Variants in AP2A2 observed in about 807,000 individuals in gnomAD.
AP2A2 encodes the protein AP-2 complex subunit alpha-2.
In AP2A2, 32 loss-of-function variants were observed where a neutral mutation model predicts 104.2. That is an observed-to-expected ratio of 0.31 (90% CI 0.23 to 0.41). The LOEUF is 0.41. Among genes scored for constraint, AP2A2 ranks in the 10% least tolerant of loss-of-function variants. AP2A2 has a pLI of 1.00. For synonymous variants in AP2A2, 539 were observed against 533.3 expected (o/e 1.01, Z -0.15); for missense variants, 912 against 1,261.0 (o/e 0.72, Z 4.19).
chr11:933,028 G>A (rs111672330), intron 1 of AP2A2, among the ~76,000 whole-genome samples: 1 of 152,214 alleles, frequency 6.6e-6, no homozygotes, highest in African/African-American at 2.4e-5. Flanking sequence ...CCAGCACTTC[G>A]GGAGTCCGAG....
intron 20 of AP2A2, 132 bp from the exon 21 acceptor site, chr11:1,009,551 C>A (rs1487517932): frequency 2.4e-6 from 3 of 1,266,726 alleles, no homozygotes; most frequent in Non-Finnish European, 3.2e-6. Flanking sequence ...GACCCAGCGC[C>A]AGGGTCTGGA....
At chr11:927,500 T>C (rs7394862) in intron 1 of AP2A2, among the ~76,000 whole-genome samples, 71,497 of 146,602 alleles carry the variant, frequency 0.49, 18,105 homozygotes, top group Middle Eastern at 0.65. Flanking sequence ...TAACCCTTCC[T>C]GTACTCTGTT....
chr11:935,080 A>G (rs1853410084), intron 1 of AP2A2, among the ~76,000 whole-genome samples: 2 of 112,102 alleles, frequency 1.8e-5, no homozygotes, highest in African/African-American at 7.1e-5. Flanking sequence ...TTTGAGACTG[A>G]GTCTTCCTCT....
At chr11:932,476 C>A (rs1853321679) in intron 1 of AP2A2, among the ~76,000 whole-genome samples, 1 of 152,352 alleles carries the variant, frequency 6.6e-6, no homozygotes, top group East Asian at 1.9e-4. Flanking sequence ...CAGAATTGGT[C>A]AGTCTGCTTT....
intron 2 of AP2A2, among the ~76,000 whole-genome samples, chr11:960,243 TTTTC>T (rs1197384878): frequency 9.2e-6 from 1 of 109,242 alleles, no homozygotes. Flanking sequence ...GTTTCTTTTC[TTTTC>T]TTTTTTTTTT....
rs1239085834 is a variant in AP2A2, at chr11:1,010,197, C to A, written c.2743-351C>A. The A allele has an allele frequency of 1.8e-4, 90 of 487,330 alleles. 1 individual carries two copies. In the East Asian group the frequency reaches 2.9e-3, roughly 16 times the overall value. 30.2% of individuals were successfully genotyped at this position (487,330 alleles called of 1,614,324 possible). On this transcript the variant is annotated intron_variant, in intron 21 of 21. Coordinates refer to ENST00000448903, the MANE Select transcript of AP2A2 (RefSeq NM_012305.4). ...ACCGCGTTGTTCCTTCTCACCACGTCCCGTTCTGGCGACGGACACCTGTCT... is the reference window on the plus strand; with the variant it reads ...ACCGCGTTGTTCCTTCTCACCACGTACCGTTCTGGCGACGGACACCTGTCT...
In AP2A2 at chr11:956,621, A is replaced by AG. The variant is rs1854243647; in HGVS notation, c.68-2814dup. On this transcript the variant is annotated intron_variant, in intron 1 of 21. Coordinates refer to ENST00000448903, the MANE Select transcript of AP2A2 (RefSeq NM_012305.4). ...AAGCCTCAGTTTTCACAGCTGGTCCAGGTAGAGTTAAACTACACGTGGTCT... is the reference window on the plus strand; with the variant it reads ...AAGCCTCAGTTTTCACAGCTGGTCCAGGGTAGAGTTAAACTACACGTGGTCT... Among the ~76,000 whole-genome samples the AG allele has an allele frequency of 2.6e-5, 4 of 152,328 alleles. No individual in the cohort carries two copies. In the South Asian group the frequency reaches 8.3e-4, roughly 32 times the overall value.
At chr11:969,064 G>A (rs1854724950) in intron 2 of AP2A2, among the ~76,000 whole-genome samples, 1 of 152,048 alleles carries the variant, frequency 6.6e-6, no homozygotes, top group African/African-American at 2.4e-5. Flanking sequence ...TTCCCAGCCT[G>A]CGTTCCTTCA....
chr11:949,958 A>G (rs1470669174), intron 1 of AP2A2, among the ~76,000 whole-genome samples: 2 of 152,184 alleles, frequency 1.3e-5, no homozygotes, highest in Admixed American at 1.3e-4. Context: ...GAGGATTCAC[A>G]TGCTGATTCC....
At position 974,698 on chromosome 11, in the gene AP2A2, A is replaced by AAAAAAAG. The variant is rs55897359; in HGVS notation, c.474-2394_474-2393insAAAGAAA. On this transcript the variant is annotated intron_variant, in intron 4 of 21. Coordinates refer to ENST00000448903, the MANE Select transcript of AP2A2 (RefSeq NM_012305.4). ...ACTCTGTCTCAAAAAAAAAAAAAAAAAAAGAAAGCTGGGCATGGTGGCTCA... is the reference window on the plus strand; with the variant it reads ...ACTCTGTCTCAAAAAAAAAAAAAAAAAAAAAAGAAAGAAAGCTGGGCATGGTGGCTCA... Among the ~76,000 whole-genome samples the AAAAAAAG allele has an allele frequency of 1.8e-4, 25 of 137,196 alleles. 2 individuals are homozygous for AAAAAAAG. The highest frequency in any genetic ancestry group is 2.0e-4 in the Non-Finnish European group (13 of 64,408). 90.0% of individuals were successfully genotyped at this position (137,196 alleles called of 152,430 possible).
rs1484617405 is a variant in AP2A2, at chr11:992,792, ACCCCTCTTG to A, written c.1452+114_1452+122del. ...GTGGAGGTGCCGAGGGCCGTTGCTG[ACCCCTCTTG>A]CCCCTCAGCTCTTCCCTGAGGCTCT... On this transcript the variant is annotated intron_variant, in intron 11 of 21. Coordinates refer to ENST00000448903, the MANE Select transcript of AP2A2 (RefSeq NM_012305.4). The surrounding 1 kb of genome is among the most constrained non-coding windows in gnomAD (Gnocchi z 6.4). 8.1e-7 allele frequency: 1 copy of A among 1,235,210 alleles called. No individual in the cohort carries two copies. Among genetic ancestry groups the A allele is most frequent in the Non-Finnish European group, 1.2e-6 (1 of 866,134 alleles). The allele number at this position is 1,235,210 out of a possible 1,614,324, so 76.5% of individuals were successfully genotyped here.
chr11:940,636 T>G (rs763166841), intron 1 of AP2A2: 7 of 353,968 alleles, frequency 2.0e-5, no homozygotes, highest in Non-Finnish European at 3.3e-5. Flanking sequence ...TAAAGGTGTT[T>G]CCTTTGGCGT....
At chr11:937,711 T>C (rs991722816) in intron 1 of AP2A2, among the ~76,000 whole-genome samples, 6 of 152,256 alleles carry the variant, frequency 3.9e-5, no homozygotes, top group Admixed American at 2.6e-4. Flanking sequence ...TATTGAATAC[T>C]GTATGAAAGT....
At position 952,503 on chromosome 11, in the gene AP2A2, A is replaced by G. The variant is rs555526888; in HGVS notation, c.68-6934A>G. The stretch of plus-strand genomic sequence containing the variant: ...TTGTAACTTGCTTTTGCCAGTAGCT[A>G]TGGCATGTCCAGGTTACTCATTAGC... On this transcript the variant is annotated intron_variant, in intron 1 of 21. Coordinates refer to ENST00000448903, the MANE Select transcript of AP2A2 (RefSeq NM_012305.4). Among the ~76,000 whole-genome samples the G allele has an allele frequency of 1.9e-4, 29 of 152,324 alleles. No homozygotes were observed. The South Asian group carries it at 5.0e-3, about 26-fold the overall frequency.
intron 1 of AP2A2, among the ~76,000 whole-genome samples, chr11:955,089 G>A (rs1373636822): frequency 6.6e-6 from 1 of 152,216 alleles, no homozygotes; most frequent in African/African-American, 2.4e-5. Context: ...GTTTGGGTGG[G>A]TAAAGTAGAG....
At chr11:934,701 A>C (rs918054834) in intron 1 of AP2A2, among the ~76,000 whole-genome samples, 1 of 152,144 alleles carries the variant, frequency 6.6e-6, no homozygotes, top group African/African-American at 2.4e-5. Context: ...TGATGGCAGC[A>C]CAAGGGTGTA....
intron 5 of AP2A2, 98 bp from the exon 6 acceptor site, chr11:981,100 C>A: frequency 1.0e-6 from 1 of 990,198 alleles, no homozygotes; most frequent in Non-Finnish European, 1.5e-6. Flanking sequence ...TGGGCTGCCA[C>A]TGTGCTGCTG....
intron 1 of AP2A2, among the ~76,000 whole-genome samples, chr11:933,031 A>T (rs907480800): frequency 2.0e-5 from 3 of 152,226 alleles, no homozygotes; most frequent in Non-Finnish European, 2.9e-5. Context: ...GCACTTCGGG[A>T]GTCCGAGCCA....
intron 10 of AP2A2, among the ~76,000 whole-genome samples, chr11:990,615 T>C (rs1855611935): frequency 6.6e-6 from 1 of 152,144 alleles, no homozygotes; most frequent in Non-Finnish European, 1.5e-5. Context: ...AGGTGCTGTG[T>C]CTTGGCCTGC....
Sources: allele counts gnomAD v4.1 joint callset (sites outside exome capture counted in the v4.1 genomes callset), GRCh38; gene constraint gnomAD v4.1.1; non-coding constraint Gnocchi (gnomAD v3.1); transcripts MANE v1.5; gene names NCBI Gene and HGNC (gene_info 2026-07-23, HGNC 2026-07-21).